DCAF8L2: variants seen among roughly 807,000 people sequenced by gnomAD.
The protein encoded by DCAF8L2 is DDB1- and CUL4-associated factor 8-like protein 2.
For missense variants in DCAF8L2, 430 were observed against 490.7 expected (o/e 0.88, Z 1.17); for synonymous variants, 200 against 190.9 (o/e 1.05, Z -0.39).
intron 1 of DCAF8L2, among the ~76,000 whole-genome samples, chrX:27,617,849 T>C (rs1179827962): frequency 8.9e-6 from 1 of 111,946 alleles, no homozygotes; most frequent in Non-Finnish European, 1.9e-5. Context: ...TAGATAATTA[T>C]GTCTAGAGAT....
Position 27,615,016 on chromosome X carries a change from T to C in DCAF8L2, c.-341-16863T>C, listed in dbSNP as rs965358260. Among the ~76,000 whole-genome samples, 7 of 111,257 alleles carry C rather than the reference T, an allele frequency of 6.3e-5. No individual in the cohort carries two copies. In the East Asian group the frequency reaches 2.0e-3, roughly 31 times the overall value. On this transcript the variant is annotated intron_variant, in intron 1 of 4. Transcript: ENST00000451261. ...GAGCAAAGAAGTGCTCTGTAGCAAG[T>C]CTAAGTTATAATGTAAGCATCTCTG...
chrX:27,490,492 C>T, the DCAF8L2 span, among the ~76,000 whole-genome samples: 28 of 109,778 alleles, frequency 2.6e-4, no homozygotes, highest in Admixed American at 2.2e-3. Flanking sequence ...GACGGAGTCT[C>T]GCTCTGTCGC....
the DCAF8L2 span, among the ~76,000 whole-genome samples, chrX:27,511,462 T>G: frequency 8.9e-6 from 1 of 111,903 alleles, no homozygotes; most frequent in Non-Finnish European, 1.9e-5. Context: ...TTATCACTTA[T>G]GAAATATTTT....
At chrX:27,655,359 A>G (rs1929313414) in intron 2 of DCAF8L2, among the ~76,000 whole-genome samples, 1 of 112,298 alleles carries the variant, frequency 8.9e-6, no homozygotes, top group Admixed American at 9.5e-5. Context: ...TATGCAAGTT[A>G]TCAGTAGCTG....
At chrX:27,691,889 T>TAAA (rs1930726528) in intron 3 of DCAF8L2, among the ~76,000 whole-genome samples, 1 of 111,722 alleles carries the variant, frequency 9.0e-6, no homozygotes, top group African/African-American at 3.2e-5. Context: ...CCTAGGAGAT[T>TAAA]AAAAATGTGA....
the DCAF8L2 span, among the ~76,000 whole-genome samples, chrX:27,469,321 T>C: frequency 8.9e-5 from 10 of 111,832 alleles, no homozygotes; most frequent in African/African-American, 2.9e-4. Flanking sequence ...TTCCTCTTCC[T>C]ACCTTGATCA....
At chrX:27,600,868 T>G (rs1295934665) in intron 1 of DCAF8L2, among the ~76,000 whole-genome samples, 1 of 112,042 alleles carries the variant, frequency 8.9e-6, no homozygotes, top group Non-Finnish European at 1.9e-5. Flanking sequence ...TGGGAGAATA[T>G]TAATCATGGA....
intron 4 of DCAF8L2, among the ~76,000 whole-genome samples, chrX:27,717,150 T>G (rs2147291752): frequency 8.9e-6 from 1 of 112,677 alleles, no homozygotes; most frequent in African/African-American, 3.2e-5. Context: ...GCATTTGGGT[T>G]GATTCCGTGT....
chrX:27,621,536 G>A (rs2147155918), intron 1 of DCAF8L2, among the ~76,000 whole-genome samples: 1 of 111,537 alleles, frequency 9.0e-6, no homozygotes, highest in East Asian at 2.8e-4. Flanking sequence ...GTGGCCTATA[G>A]CCATATATAA....
chrX:27,629,346 C>T (rs1357121623), intron 1 of DCAF8L2, among the ~76,000 whole-genome samples: 2 of 111,954 alleles, frequency 1.8e-5, no homozygotes, highest in East Asian at 5.6e-4. Context: ...TCAGCCCTTA[C>T]ATTTCAGTAT....
chrX:27,695,644 T>C (rs1027023742), intron 3 of DCAF8L2, among the ~76,000 whole-genome samples: 4 of 111,600 alleles, frequency 3.6e-5, no homozygotes, highest in African/African-American at 1.3e-4. Context: ...CATAAAATAG[T>C]ATCATAGTGA....
At chrX:27,536,955 C>G in the DCAF8L2 span, among the ~76,000 whole-genome samples, 1 of 112,190 alleles carries the variant, frequency 8.9e-6, no homozygotes, top group Admixed American at 9.4e-5. Flanking sequence ...TTGATAAATA[C>G]ATATCAAACT....
chrX:27,544,780 G>A, the DCAF8L2 span, among the ~76,000 whole-genome samples: 1 of 111,644 alleles, frequency 9.0e-6, no homozygotes, highest in Middle Eastern at 4.2e-3. Context: ...AGATTGATAA[G>A]AAAACATCAA....
In DCAF8L2 at chrX:27,708,053, T is replaced by C. The variant is rs182330744; in HGVS notation, c.-142-8035T>C. On this transcript the variant is annotated intron_variant, in intron 3 of 4. Transcript: ENST00000451261. The stretch of plus-strand genomic sequence containing the variant: ...TTTTGTGATGTACATGTGAAAGTTT[T>C]TTACCTGGATATATTGAGTGATGCT... 1.1e-3 allele frequency among the ~76,000 whole-genome samples: 122 copies of C among 111,507 alleles called. 1 individual carries two copies. Among genetic ancestry groups the C allele is most frequent in the Non-Finnish European group, 1.6e-3 (85 of 53,085 alleles).
chrX:27,532,492 A>C, the DCAF8L2 span, among the ~76,000 whole-genome samples: 1 of 111,749 alleles, frequency 8.9e-6, no homozygotes, highest in African/African-American at 3.3e-5. Context: ...TAAATGACTG[A>C]GAAAGCAAAG....
chrX:27,642,546 C>T (rs1928777447), intron 2 of DCAF8L2, among the ~76,000 whole-genome samples: 1 of 110,759 alleles, frequency 9.0e-6, no homozygotes, highest in African/African-American at 3.3e-5. Flanking sequence ...TGGGACTCTG[C>T]AGATCCTCAG....
intron 3 of DCAF8L2, among the ~76,000 whole-genome samples, chrX:27,705,220 T>A (rs1931303355): frequency 9.0e-6 from 1 of 111,183 alleles, no homozygotes; most frequent in African/African-American, 3.3e-5. Context: ...GGCATTTAGG[T>A]TGATACCATG....
At chrX:27,723,601 C>T (rs888875202) in intron 4 of DCAF8L2, among the ~76,000 whole-genome samples, 31 of 111,255 alleles carry the variant, frequency 2.8e-4, no homozygotes, top group Non-Finnish European at 4.9e-4. Flanking sequence ...AAACAGCATT[C>T]TCATACATTA....
chrX:27,622,610 T>G (rs1468834571), intron 1 of DCAF8L2, among the ~76,000 whole-genome samples: 1 of 110,923 alleles, frequency 9.0e-6, no homozygotes, highest in Admixed American at 9.6e-5. Context: ...CGTTCATATT[T>G]CCCACTAACA....
Sources: allele counts gnomAD v4.1 joint callset (sites outside exome capture counted in the v4.1 genomes callset), GRCh38; gene constraint gnomAD v4.1.1; transcripts MANE v1.5; gene names NCBI Gene and HGNC (gene_info 2026-07-23, HGNC 2026-07-21).